SORCS2: variants seen among roughly 807,000 people sequenced by gnomAD.
SORCS2 encodes the protein VPS10 domain-containing receptor SorCS2.
Under a neutral mutation model 141.6 loss-of-function variants are expected in SORCS2, and 100 were observed. The ratio of observed to expected loss-of-function variants is 0.71; its 90% CI spans 0.60 to 0.83. SORCS2 has a LOEUF of 0.83. SORCS2 is among the 40% of genes least tolerant of loss of function. The pLI, the probability that SORCS2 is intolerant of heterozygous loss-of-function variation, is 0.00. For synonymous variants in SORCS2, 789 were observed against 676.9 expected (o/e 1.17, Z -2.57); for missense variants, 1,646 against 1,560.2 (o/e 1.05, Z -0.93).
intron 2 of SORCS2, among the ~76,000 whole-genome samples, chr4:7,474,874 G>C (rs542894383): frequency 6.6e-6 from 1 of 152,276 alleles, no homozygotes; most frequent in African/African-American, 2.4e-5. Context: ...TGGGCTCCTG[G>C]GGAGTTCCCT....
chr4:7,465,152 C>T (rs1473823295), intron 2 of SORCS2, among the ~76,000 whole-genome samples: 1 of 152,222 alleles, frequency 6.6e-6, no homozygotes, highest in African/African-American at 2.4e-5. Flanking sequence ...CCAGGATGCT[C>T]TGCTGGGGCC....
At chr4:7,210,852 C>T (rs1381227418) in intron 1 of SORCS2, among the ~76,000 whole-genome samples, 2 of 152,210 alleles carry the variant, frequency 1.3e-5, no homozygotes, top group African/African-American at 2.4e-5. Flanking sequence ...TACCAACCCC[C>T]AGCATTCATT....
At chr4:7,318,581 A>G (rs1165389158) in intron 1 of SORCS2, among the ~76,000 whole-genome samples, 1 of 152,178 alleles carries the variant, frequency 6.6e-6, no homozygotes, top group Non-Finnish European at 1.5e-5. Flanking sequence ...TATCGCATCT[A>G]TGCCTATGTT....
At chr4:7,539,581 C>T (rs1456047939) in intron 3 of SORCS2, among the ~76,000 whole-genome samples, 1 of 152,154 alleles carries the variant, frequency 6.6e-6, no homozygotes, top group Non-Finnish European at 1.5e-5. Context: ...TTGTTTTCTT[C>T]CTTCTCTTTG....
At chr4:7,301,917 G>T (rs1050914264) in intron 1 of SORCS2, among the ~76,000 whole-genome samples, 1 of 152,156 alleles carries the variant, frequency 6.6e-6, no homozygotes, top group Non-Finnish European at 1.5e-5. Flanking sequence ...GTGCCATGGC[G>T]CCTCTCCTTC....
At chr4:7,701,182 G>A (rs1008554422) in intron 12 of SORCS2, among the ~76,000 whole-genome samples, 3 of 151,912 alleles carry the variant, frequency 2.0e-5, no homozygotes, top group Non-Finnish European at 4.4e-5. Flanking sequence ...GAAGGAGAAA[G>A]GAGGAAGGGA....
chr4:7,323,813 C>G lies in SORCS2; in HGVS notation c.481-72475C>G, dbSNP rs576986724. Among the ~76,000 whole-genome samples, 11 of 152,086 alleles carry G rather than the reference C, an allele frequency of 7.2e-5. 1 individual carries two copies. The East Asian group carries it at 2.1e-3, about 29-fold the overall frequency. On this transcript the variant is annotated intron_variant, in intron 1 of 26. Coordinates refer to ENST00000507866, the MANE Select transcript of SORCS2 (RefSeq NM_020777.3). ...GAAATGGGAACAGAACCCCCATCTC[C>G]CAGGAATCCTGGGAGGGAGAACTTA...
Position 7,661,557 on chromosome 4 carries a change from C to T in SORCS2, c.945C>T (p.Leu315=), listed in dbSNP as rs376364746. ...TGGTCCACGTGGAAGCCCAAGACCT[C>T]GGTGGAGGTAAGCCGGGCAGTGCAC... ...PDLVHVEAQD[L]GGDFRYVTCA... The change falls in exon 6 of 27, where the codon CTC becomes CTT. Residue 315 remains leucine, a synonymous_variant. Coordinates refer to ENST00000507866, the MANE Select transcript of SORCS2 (RefSeq NM_020777.3). 397 of 1,551,786 alleles carry T rather than the reference C, an allele frequency of 2.6e-4. No homozygotes were observed. Among genetic ancestry groups the T allele is most frequent in the Non-Finnish European group, 3.3e-4 (380 of 1,147,068 alleles).
intron 2 of SORCS2, chr4:7,434,029 C>T: frequency 6.2e-7 from 1 of 1,611,660 alleles, no homozygotes; most frequent in Non-Finnish European, 8.5e-7. Context: ...CTGCATCTCG[C>T]TCTGTTTCCT....
chr4:7,684,751 CA>C (rs10715119), intron 10 of SORCS2, among the ~76,000 whole-genome samples: 82,413 of 152,066 alleles, frequency 0.54, 22,930 homozygotes, highest in African/African-American at 0.64. Context: ...AAACAGAAGA[CA>C]ATTCCCTGTC....
chr4:7,605,823 G>C (rs990205494), intron 3 of SORCS2, among the ~76,000 whole-genome samples: 7 of 152,146 alleles, frequency 4.6e-5, no homozygotes, highest in African/African-American at 1.4e-4. Flanking sequence ...AGGGGGAACA[G>C]CTGGATTACA....
rs776349309 is a variant in SORCS2 at position 7,654,119 on chromosome 4, T to C, written c.814-15T>C. ...CGTCCTGACCAAGCTTTTGTTTCTT[T>C]TTTCTGCCCTAAAGCTCTACGTGTC... On this transcript the variant is annotated splice_polypyrimidine_tract_variant and intron_variant, in intron 4 of 26. Coordinates refer to ENST00000507866, the MANE Select transcript of SORCS2 (RefSeq NM_020777.3). 7.0e-6 allele frequency: 11 copies of C among 1,563,658 alleles called. No homozygotes were observed. The East Asian group carries it at 2.4e-4, about 34-fold the overall frequency.
chr4:7,550,039 G>A (rs545142259), intron 3 of SORCS2, among the ~76,000 whole-genome samples: 4 of 152,026 alleles, frequency 2.6e-5, no homozygotes, highest in Non-Finnish European at 4.4e-5. Flanking sequence ...GCAGGGCCGG[G>A]GAGAGCTGGT....
intron 2 of SORCS2, among the ~76,000 whole-genome samples, chr4:7,491,238 T>C: frequency 6.6e-6 from 1 of 152,190 alleles, no homozygotes; most frequent in East Asian, 1.9e-4. Context: ...CCCTCTCACC[T>C]GAGTAACCCA....
At chr4:7,585,796 C>A (rs1403422100) in intron 3 of SORCS2, among the ~76,000 whole-genome samples, 4 of 152,194 alleles carry the variant, frequency 2.6e-5, no homozygotes, top group Non-Finnish European at 5.9e-5. Flanking sequence ...GCAGCCTTGC[C>A]CCTAGGATTT....
intron 21 of SORCS2, 84 bp from the exon 22 acceptor site, chr4:7,728,266 G>A: frequency 2.1e-6 from 2 of 946,186 alleles, no homozygotes; most frequent in South Asian, 1.5e-5. Context: ...TCCAGGGCAT[G>A]TGGCTGCCCC....
At chr4:7,264,123 C>T (rs147224451) in intron 1 of SORCS2, among the ~76,000 whole-genome samples, 17 of 152,264 alleles carry the variant, frequency 1.1e-4, no homozygotes, top group Non-Finnish European at 2.1e-4. Context: ...GCTGAGGTTA[C>T]GGGAAGCAGT....
chr4:7,561,146 A>G (rs1714511112), intron 3 of SORCS2, among the ~76,000 whole-genome samples: 1 of 152,066 alleles, frequency 6.6e-6, no homozygotes, highest in African/African-American at 2.4e-5. Context: ...CTAGAGTCCT[A>G]CTCAGTATAG....
At chr4:7,421,662 C>T (rs931592157) in intron 2 of SORCS2, among the ~76,000 whole-genome samples, 2 of 152,202 alleles carry the variant, frequency 1.3e-5, no homozygotes, top group Non-Finnish European at 2.9e-5. Flanking sequence ...CCTCCCTCTC[C>T]AGTGGCTCCG....
Sources: gnomAD v4.1 joint callset for allele counts (sites outside exome capture counted in the v4.1 genomes callset) on GRCh38, gnomAD v4.1.1 for gene constraint, MANE v1.5 for transcripts, NCBI Gene and HGNC (gene_info 2026-07-23, HGNC 2026-07-21) for gene names.